MRPS28: variants seen among roughly 807,000 people sequenced by gnomAD.
MRPS28 encodes small ribosomal subunit protein bS1m.
A neutral mutation model predicts 10.8 loss-of-function variants in MRPS28; 7 were observed. The ratio of observed to expected loss-of-function variants is 0.65; its 90% CI spans 0.37 to 1.22. MRPS28 has a LOEUF of 1.22. Ranked by LOEUF, MRPS28 falls within the 50% of genes most tolerant of loss-of-function variation. MRPS28 has a pLI of 0.02. For synonymous variants in MRPS28, 121 were observed against 93.3 expected, an observed-to-expected ratio of 1.30 and a Z score of -1.71; for missense variants, 265 against 232.9, an observed-to-expected ratio of 1.14 and a Z score of -0.90.
Position 79,936,087 on chromosome 8 carries a change from C to CT in MRPS28, c.396-16940dup, listed in dbSNP as rs556147191. 6.6e-5 allele frequency among the ~76,000 whole-genome samples: 10 copies of CT among 151,672 alleles called. No homozygotes were observed. In the South Asian group the frequency reaches 2.1e-3, roughly 32 times the overall value. ...AGGGGCCAGGTGTGGTGGCTCATGCCTATAATCCAAGCACTTTAGGAGGTC... is the reference window on the plus strand; with the variant it reads ...AGGGGCCAGGTGTGGTGGCTCATGCCTTATAATCCAAGCACTTTAGGAGGTC... On this transcript the variant is annotated intron_variant, in intron 2 of 2. Transcript: ENST00000276585.
chr8:79,938,453 T>C (rs1236426833), intron 2 of MRPS28, among the ~76,000 whole-genome samples: 1 of 151,546 alleles, frequency 6.6e-6, no homozygotes, highest in Non-Finnish European at 1.5e-5. Context: ...AACCATGCTA[T>C]TGAATCAAGA....
chr8:79,942,596 G>A (rs904298415), intron 2 of MRPS28, among the ~76,000 whole-genome samples: 2 of 152,122 alleles, frequency 1.3e-5, no homozygotes, highest in African/African-American at 4.8e-5. Flanking sequence ...CTAGAAGTCT[G>A]GAGTCAGAGT....
At chr8:79,993,335 G>A (rs1808416110) in intron 2 of MRPS28, among the ~76,000 whole-genome samples, 1 of 152,152 alleles carries the variant, frequency 6.6e-6, no homozygotes, top group African/African-American at 2.4e-5. Context: ...TCCTAGAGAT[G>A]TAAATTTAGA....
chr8:79,948,271 G>A (rs1220463389), intron 2 of MRPS28, among the ~76,000 whole-genome samples: 1 of 152,182 alleles, frequency 6.6e-6, no homozygotes. Flanking sequence ...ACAAGTGTGA[G>A]CCACTGTGCC....
chr8:80,004,194 T>C (rs1808754918), intron 1 of MRPS28, among the ~76,000 whole-genome samples: 1 of 152,204 alleles, frequency 6.6e-6, no homozygotes, highest in Non-Finnish European at 1.5e-5. Context: ...CCTCCTCAAG[T>C]GGGTCCCTGA....
intron 2 of MRPS28, among the ~76,000 whole-genome samples, chr8:79,999,386 T>C (rs1377228291): frequency 1.3e-5 from 2 of 152,238 alleles, no homozygotes; most frequent in African/African-American, 2.4e-5. Context: ...CCCACAAATT[T>C]TGTTTTAGAT....
intron 1 of MRPS28, among the ~76,000 whole-genome samples, chr8:80,007,445 T>TA (rs1808884383): frequency 6.6e-6 from 1 of 152,042 alleles, no homozygotes; most frequent in South Asian, 2.1e-4. Context: ...GAGAAAGAAA[T>TA]AAAGGGTATT....
chr8:79,949,413 CAAA>C (rs58390672), intron 2 of MRPS28, among the ~76,000 whole-genome samples: 2 of 96,942 alleles, frequency 2.1e-5, no homozygotes, highest in African/African-American at 3.5e-5. Flanking sequence ...GACTCCGTCT[CAAA>C]AAAAAAAAAA....
intron 2 of MRPS28, among the ~76,000 whole-genome samples, chr8:79,946,674 CTAAATTTTCTAAAG>C (rs1432540699): frequency 4.6e-5 from 7 of 152,164 alleles, no homozygotes; most frequent in South Asian, 2.1e-4. Flanking sequence ...TGTGTGATTT[CTAAATTTTCTAAAG>C]TAAATTTTCT....
At chr8:80,025,432 A>G (rs78632005) in intron 1 of MRPS28, among the ~76,000 whole-genome samples, 2 of 152,286 alleles carry the variant, frequency 1.3e-5, no homozygotes, top group African/African-American at 4.8e-5. Flanking sequence ...CCAACATATA[A>G]CCTACAAATA....
chr8:80,006,193 C>T (rs966843265), intron 1 of MRPS28, among the ~76,000 whole-genome samples: 3 of 152,220 alleles, frequency 2.0e-5, no homozygotes, highest in Non-Finnish European at 4.4e-5. Context: ...TTCTTCTCAG[C>T]ACCACATCAC....
At chr8:79,991,287 C>G (rs2130121587) in intron 2 of MRPS28, among the ~76,000 whole-genome samples, 1 of 150,568 alleles carries the variant, frequency 6.6e-6, no homozygotes, top group African/African-American at 2.5e-5. Flanking sequence ...ATAGAAATAA[C>G]TACTTAAGAA....
chr8:79,941,587 CCTT>C (rs1444706991), intron 2 of MRPS28, among the ~76,000 whole-genome samples: 1 of 152,128 alleles, frequency 6.6e-6, no homozygotes, highest in East Asian at 1.9e-4. Context: ...TGTCCCTAGT[CCTT>C]CTCAATCAAC....
At chr8:79,920,704 G>C (rs1430406821) in intron 2 of MRPS28, among the ~76,000 whole-genome samples, 1 of 152,146 alleles carries the variant, frequency 6.6e-6, no homozygotes, top group Non-Finnish European at 1.5e-5. Context: ...TGTCAGAGGA[G>C]TAGATTGCAA....
intron 2 of MRPS28, among the ~76,000 whole-genome samples, chr8:79,958,981 C>T (rs955530603): frequency 2.0e-5 from 3 of 152,026 alleles, no homozygotes; most frequent in Admixed American, 6.6e-5. Flanking sequence ...AGAAACAATG[C>T]AAGATTATCT....
At chr8:79,933,922 T>C (rs377025652) in intron 2 of MRPS28, among the ~76,000 whole-genome samples, 3 of 152,338 alleles carry the variant, frequency 2.0e-5, no homozygotes, top group Admixed American at 6.5e-5. Flanking sequence ...ACAGTTCATT[T>C]GGCCACTAAA....
chr8:79,950,901 G>A (rs1364950462), intron 2 of MRPS28, among the ~76,000 whole-genome samples: 2 of 152,108 alleles, frequency 1.3e-5, no homozygotes, highest in Non-Finnish European at 2.9e-5. Context: ...ATTTTCTCTG[G>A]TCATGGTATC....
At chr8:79,984,516 T>C (rs547718875) in intron 2 of MRPS28, among the ~76,000 whole-genome samples, 2 of 152,278 alleles carry the variant, frequency 1.3e-5, no homozygotes, top group African/African-American at 4.8e-5. Flanking sequence ...CAGTGCGCTG[T>C]ATTCAGGAGA....
intron 2 of MRPS28, among the ~76,000 whole-genome samples, chr8:79,963,620 T>A (rs1002655590): frequency 1.1e-4 from 16 of 152,118 alleles, no homozygotes; most frequent in Non-Finnish European, 2.2e-4. Context: ...ACAATAGGCC[T>A]TGCCTCAAAC....
Sources: gnomAD v4.1 joint callset for allele counts (sites outside exome capture counted in the v4.1 genomes callset) on GRCh38, gnomAD v4.1.1 for gene constraint, MANE v1.5 for transcripts, NCBI Gene and HGNC (gene_info 2026-07-23, HGNC 2026-07-21) for gene names.